TCF12: variants seen among roughly 807,000 people sequenced by gnomAD.
TCF12 encodes the protein transcription factor 12.
TCF12 carries 45 observed loss-of-function variants against 86.0 expected under a neutral mutation model. That is an observed-to-expected ratio of 0.52 (90% CI 0.41 to 0.67). The LOEUF is 0.67. Ranked by LOEUF, TCF12 falls within the 30% of genes least tolerant of loss-of-function variation. The pLI is 0.00. For synonymous variants in TCF12, 330 were observed against 299.6 expected, an observed-to-expected ratio of 1.10 and a Z score of -1.05; for missense variants, 881 against 859.9, an observed-to-expected ratio of 1.02 and a Z score of -0.31.
intron 12 of TCF12, among the ~76,000 whole-genome samples, chr15:57,240,524 T>C (rs2059569383): frequency 6.6e-6 from 1 of 152,192 alleles, no homozygotes; most frequent in Middle Eastern, 3.2e-3. Context: ...GAGCATCAAT[T>C]GCTCATAAAT....
intron 16 of TCF12, among the ~76,000 whole-genome samples, chr15:57,261,035 C>G (rs770607750): frequency 1.3e-5 from 2 of 151,958 alleles, no homozygotes; most frequent in Non-Finnish European, 2.9e-5. Context: ...TGGTCCCTTC[C>G]CAGCTTTAAG....
intron 3 of TCF12, among the ~76,000 whole-genome samples, chr15:56,933,689 G>A (rs908702430): frequency 5.9e-5 from 9 of 152,202 alleles, no homozygotes; most frequent in Non-Finnish European, 1.3e-4. Context: ...AAAATGTGGA[G>A]GTTTGTGGTC....
chr15:57,017,943 TA>T (rs2065249408), intron 3 of TCF12, among the ~76,000 whole-genome samples: 1 of 152,144 alleles, frequency 6.6e-6, no homozygotes, highest in Admixed American at 6.5e-5. Flanking sequence ...ATTATTTTGG[TA>T]AACCTCCATG....
Position 57,268,132 on chromosome 15 carries a change from C to T in TCF12, c.1745+4858C>T, listed in dbSNP as rs538732924. ...TCCTAGGTCTTGAAGTGGTTCTCAA[C>T]CCTGCTGCCCAGACCCTGGAACATT... On this transcript the variant is annotated intron_variant, in intron 18 of 20. Coordinates refer to ENST00000333725, the MANE Select transcript of TCF12 (RefSeq NM_207037.2). 7.9e-4 allele frequency among the ~76,000 whole-genome samples: 121 copies of T among 152,276 alleles called. 2 individuals carry two copies. The South Asian group carries it at 0.023, about 29-fold the overall frequency.
intron 5 of TCF12, among the ~76,000 whole-genome samples, chr15:57,108,552 C>G (rs2593214): frequency 1.3e-5 from 2 of 152,002 alleles, no homozygotes. Context: ...GAAACTGGCT[C>G]TACAGGTAGA....
chr15:57,131,162 A>G (rs1432039263), intron 5 of TCF12, among the ~76,000 whole-genome samples: 1 of 152,244 alleles, frequency 6.6e-6, no homozygotes. Context: ...GAATCAAAAA[A>G]GAGAAAATGT....
chr15:57,135,708 A>G (rs1271589665), intron 5 of TCF12, among the ~76,000 whole-genome samples: 2 of 152,162 alleles, frequency 1.3e-5, no homozygotes, highest in African/African-American at 2.4e-5. Flanking sequence ...AAGGTTTGTT[A>G]TTTCGCCAAG....
chr15:57,068,519 C>A (rs1209498554), intron 4 of TCF12, among the ~76,000 whole-genome samples: 1 of 152,284 alleles, frequency 6.6e-6, no homozygotes, highest in East Asian at 1.9e-4. Flanking sequence ...CTGTTTATTT[C>A]TTTCTTGGGA....
At chr15:56,942,555 A>T (rs1251412217) in intron 3 of TCF12, among the ~76,000 whole-genome samples, 1 of 152,204 alleles carries the variant, frequency 6.6e-6, no homozygotes, top group Non-Finnish European at 1.5e-5. Context: ...TAAACAATAT[A>T]TTTCAATGTA....
chr15:56,935,522 G>T (rs1385214925), intron 3 of TCF12, among the ~76,000 whole-genome samples: 1 of 151,970 alleles, frequency 6.6e-6, no homozygotes, highest in African/African-American at 2.4e-5. Context: ...GTGGTATTTG[G>T]TGACATGAGT....
At chr15:57,068,375 T>C (rs1299985664) in intron 4 of TCF12, among the ~76,000 whole-genome samples, 1 of 152,224 alleles carries the variant, frequency 6.6e-6, no homozygotes, top group Non-Finnish European at 1.5e-5. Context: ...AACACATGGA[T>C]ACATTTGCAA....
intron 5 of TCF12, among the ~76,000 whole-genome samples, chr15:57,098,102 T>G (rs1195439878): frequency 6.6e-6 from 1 of 151,272 alleles, no homozygotes; most frequent in African/African-American, 2.4e-5. Flanking sequence ...GGAGAATTGC[T>G]TGAACGCAGG....
At chr15:57,023,150 C>T (rs2065600838) in intron 3 of TCF12, among the ~76,000 whole-genome samples, 1 of 152,128 alleles carries the variant, frequency 6.6e-6, no homozygotes. Context: ...TAGACAACAT[C>T]TCCAGTTTTT....
intron 5 of TCF12, among the ~76,000 whole-genome samples, chr15:57,163,311 A>G (rs2151522086): frequency 6.6e-6 from 1 of 152,366 alleles, no homozygotes; most frequent in East Asian, 1.9e-4. Flanking sequence ...CATTTTCATT[A>G]AAGTATACAT....
rs190049002 is a variant in TCF12 at position 56,987,845 on chromosome 15, A to G, written c.148+66747A>G. 5.9e-4 allele frequency among the ~76,000 whole-genome samples: 90 copies of G among 152,296 alleles called. 1 individual carries two copies. The East Asian group carries it at 0.014, about 24-fold the overall frequency. On this transcript the variant is annotated intron_variant, in intron 3 of 20. Transcript: ENST00000333725. ...TCATCCAGAAGTAAAAGTTATGTGCATTTTCAAGATAAACTCAGGAAATAA... is the reference window on the plus strand; with the variant it reads ...TCATCCAGAAGTAAAAGTTATGTGCGTTTTCAAGATAAACTCAGGAAATAA...
intron 18 of TCF12, among the ~76,000 whole-genome samples, chr15:57,272,158 A>G (rs952871272): frequency 3.3e-5 from 5 of 152,226 alleles, no homozygotes; most frequent in Admixed American, 2.0e-4. Context: ...TGAATGTACT[A>G]TGATTTATTG....
At chr15:57,230,596 A>T (rs2059091333) in intron 8 of TCF12, among the ~76,000 whole-genome samples, 1 of 152,040 alleles carries the variant, frequency 6.6e-6, no homozygotes, top group South Asian at 2.1e-4. Context: ...TGTACTGGAA[A>T]TGTGTTTTTA....
At chr15:56,922,590 C>T (rs1004063236) in intron 3 of TCF12, among the ~76,000 whole-genome samples, 1 of 151,876 alleles carries the variant, frequency 6.6e-6, no homozygotes, top group African/African-American at 2.4e-5. Context: ...TTCTACATTG[C>T]GAATGGTCAC....
intron 5 of TCF12, among the ~76,000 whole-genome samples, chr15:57,161,903 GT>G (rs2054531114): frequency 6.6e-6 from 1 of 152,132 alleles, no homozygotes; most frequent in Admixed American, 6.6e-5. Context: ...GAAATGTGAG[GT>G]TTTTAAAAGA....
Sources: gnomAD v4.1 joint callset for allele counts (sites outside exome capture counted in the v4.1 genomes callset) on GRCh38, gnomAD v4.1.1 for gene constraint, MANE v1.5 for transcripts, NCBI Gene and HGNC (gene_info 2026-07-23, HGNC 2026-07-21) for gene names.